Variants in TSPAN17 observed in about 807,000 individuals in gnomAD.
TSPAN17 encodes tetraspanin-17.
TSPAN17 carries 33 observed loss-of-function variants against 40.5 expected under a neutral mutation model. The ratio of observed to expected loss-of-function variants is 0.81; its 90% CI spans 0.62 to 1.09. The LOEUF (loss-of-function observed/expected upper bound fraction) is 1.09, where lower values mean the gene tolerates loss of function less well. Among genes scored for constraint, TSPAN17 ranks in the 50% least tolerant of loss-of-function variants. The pLI, the probability that TSPAN17 is intolerant of heterozygous loss-of-function variation, is 0.00. For missense variants in TSPAN17, 365 were observed against 416.8 expected, an observed-to-expected ratio of 0.88 and a Z score of 1.08; for synonymous variants, 166 against 169.4, an observed-to-expected ratio of 0.98 and a Z score of 0.15.
chr5:176,656,407 T>C (rs903579135), intron 6 of TSPAN17, among the ~76,000 whole-genome samples: 5 of 150,512 alleles, frequency 3.3e-5, no homozygotes, highest in African/African-American at 1.2e-4. Context: ...TCTGGAGGAG[T>C]GGAGGGAGAA....
chr5:176,656,680 T>C lies in TSPAN17; in HGVS notation c.631-20T>C. On this transcript the variant is annotated intron_variant, in intron 6 of 8. Coordinates refer to ENST00000508164, the MANE Select transcript of TSPAN17 (RefSeq NM_130465.5). ...GCCTGAAGGGCAGGTAGGCTGAGCC[T>C]GGTGCCTGCGTGTCCCCAGGAGCTG... 1 of 1,612,512 alleles carries C rather than the reference T, an allele frequency of 6.2e-7. No homozygotes were observed. Among genetic ancestry groups the C allele is most frequent in the Non-Finnish European group, 8.5e-7 (1 of 1,178,758 alleles).
chr5:176,656,845 C>T (rs1761174265), intron 7 of TSPAN17, 29 bp downstream of exon 7: 1 of 1,614,118 alleles, frequency 6.2e-7, no homozygotes, highest in Non-Finnish European at 8.5e-7. Flanking sequence ...GTGCCCCTCC[C>T]CTTGCCGGGG....
chr5:176,654,510 C>T lies in TSPAN17; in HGVS notation c.457-385C>T, dbSNP rs765754049. 1.4e-5 allele frequency: 3 copies of T among 217,460 alleles called. No homozygotes were observed. The highest frequency in any genetic ancestry group is 4.5e-4 in the Middle Eastern group (1 of 2,234). The allele number at this position is 217,460 out of a possible 1,614,324, so 13.5% of individuals were successfully genotyped here. A position where few individuals can be genotyped will look rare whatever the true frequency, so the allele number is the denominator to read the frequency against. Reference sequence around the variant, plus strand: ...TGAAGAGAGGAGGGCTTTGTAGAACCTCTGGGGCAAGTGTGGGAGGCCTGC... The same window carrying T: ...TGAAGAGAGGAGGGCTTTGTAGAACTTCTGGGGCAAGTGTGGGAGGCCTGC... On this transcript the variant is annotated intron_variant, in intron 4 of 8. Coordinates refer to ENST00000508164, the MANE Select transcript of TSPAN17 (RefSeq NM_130465.5). This position sits in a 1 kb window ranked among gnomAD's most constrained non-coding sequence, Gnocchi z 4.3.
chr5:176,647,777 G>T (rs552742790), intron 1 of TSPAN17, 75 bp downstream of exon 1: 3 of 1,373,612 alleles, frequency 2.2e-6, no homozygotes, highest in African/African-American at 3.0e-5. Flanking sequence ...TGCTGGGGGA[G>T]ACCACTCCCT....
chr5:176,651,949 CA>C lies in TSPAN17; in HGVS notation c.285+50del. 2 of 1,607,836 alleles carry C rather than the reference CA, an allele frequency of 1.2e-6. No homozygotes were observed. Among genetic ancestry groups the C allele is most frequent in the Non-Finnish European group, 8.5e-7 (1 of 1,177,422 alleles). On this transcript the variant is annotated intron_variant, in intron 3 of 8. Transcript: ENST00000508164. The surrounding 1 kb of genome is among the most constrained non-coding windows in gnomAD (Gnocchi z 4.5). ...CTGGGAACCCCCATCTCCTCCCATC[CA>C]GTTCTTGCAATACAGTTGGAGCTTA... is the stretch of plus-strand genomic sequence containing the variant.
chr5:176,648,691 C>T (rs1581191232), intron 1 of TSPAN17, among the ~76,000 whole-genome samples: 3 of 147,104 alleles, frequency 2.0e-5, no homozygotes, highest in East Asian at 1.9e-4. Context: ...CTGGCTGTAG[C>T]AGGCCTGGCT....
At position 176,656,851 on chromosome 5, in the gene TSPAN17, C is replaced by T. The variant is rs182442495; in HGVS notation, c.747+35C>T. Reference sequence around the variant, plus strand: ...TGGCCCCACGTGCCCCTCCCCTTGCCGGGGCCGCCCTCACTCTCCCCTCAC... The same window carrying T: ...TGGCCCCACGTGCCCCTCCCCTTGCTGGGGCCGCCCTCACTCTCCCCTCAC... On this transcript the variant is annotated intron_variant, in intron 7 of 8. Coordinates refer to ENST00000508164, the MANE Select transcript of TSPAN17 (RefSeq NM_130465.5). 8.5e-5 allele frequency: 138 copies of T among 1,614,114 alleles called. No individual in the cohort carries two copies. The East Asian group carries it at 2.1e-3, about 24-fold the overall frequency.
chr5:176,657,656 C>T lies in TSPAN17; in HGVS notation c.948C>T (p.Gly316=). ...PAPPSRHVFF[G]LGGLYPEPTF... ...CACCCAGCCGACATGTTTTCTTTGGCCTGGGTGGTTTATACCCTGAGCCAA... is the reference window on the plus strand; with the variant it reads ...CACCCAGCCGACATGTTTTCTTTGGTCTGGGTGGTTTATACCCTGAGCCAA... The change falls in exon 9 of 9, where the codon GGC becomes GGT. Residue 316 remains glycine (G), a synonymous_variant. Coordinates refer to ENST00000508164, the MANE Select transcript of TSPAN17 (RefSeq NM_130465.5). 6.2e-7 allele frequency: 1 copy of T among 1,607,886 alleles called. No homozygotes were observed. Among genetic ancestry groups the T allele is most frequent in the Non-Finnish European group, 8.5e-7 (1 of 1,178,328 alleles).
chr5:176,657,870 C>T lies in TSPAN17; in HGVS notation c.*172C>T. The T allele has an allele frequency of 8.2e-7, 1 of 1,221,270 alleles. No individual in the cohort carries two copies. The allele number at this position is 1,221,270 out of a possible 1,614,324, so 75.7% of individuals were successfully genotyped here. On this transcript the variant is annotated 3_prime_UTR_variant, in exon 9 of 9. Transcript: ENST00000508164. ...CTGACCCTTGTACACTAGGAGCTGG[C>T]CTCCCACCTCTGCAGGGTTATTCCC... is the stretch of plus-strand genomic sequence containing the variant.
At position 176,651,426 on chromosome 5, in the gene TSPAN17, C is replaced by T. The variant is rs1317222033; in HGVS notation, c.88-190C>T. Among the ~76,000 whole-genome samples the T allele has an allele frequency of 1.3e-5, 2 of 152,198 alleles. No homozygotes were observed. The highest frequency in any genetic ancestry group is 1.9e-4 in the East Asian group (1 of 5,192). On this transcript the variant is annotated intron_variant, in intron 1 of 8. Transcript: ENST00000508164. This position sits in a 1 kb window ranked among gnomAD's most constrained non-coding sequence, Gnocchi z 4.5. ...AAGGCTAGCAGAGGGTTCAGTCCTC[C>T]AGGCTGTGTCCTGTGGGGAAGAAGC...
intron 8 of TSPAN17, 160 bp from the exon 9 acceptor site, chr5:176,657,358 A>G: frequency 7.8e-7 from 1 of 1,287,332 alleles, no homozygotes; most frequent in South Asian, 1.5e-5. Flanking sequence ...TTCTGTGCGT[A>G]GCTGTATGGG....
chr5:176,652,800 T>C lies in TSPAN17; in HGVS notation c.343T>C (p.Phe115Leu), dbSNP rs1185789558. The C allele has an allele frequency of 6.2e-7, 1 of 1,614,168 alleles. No homozygotes were observed. The highest frequency in any genetic ancestry group is 1.1e-5 in the South Asian group (1 of 91,088). Reference sequence around the variant, plus strand: ...GGAGCTGGCAACAGGGATCCTGGCCTTTGTCTTCAAGGACTGGATTCGAGA... The same window carrying C: ...GGAGCTGGCAACAGGGATCCTGGCCCTTGTCTTCAAGGACTGGATTCGAGA... ...FLELATGILA[F>L]VFKDWIRDQL... is the part of the protein sequence containing the mutation. The change falls in exon 4 of 9, where the codon TTT becomes CTT. Residue 115 changes from phenylalanine to leucine, a missense_variant. By Grantham distance (22) the Phe-to-Leu change is conservative. Coordinates refer to ENST00000508164, the MANE Select transcript of TSPAN17 (RefSeq NM_130465.5).
intron 1 of TSPAN17, 106 bp downstream of exon 1, chr5:176,647,808 G>T: frequency 8.9e-7 from 1 of 1,128,410 alleles, no homozygotes; most frequent in Non-Finnish European, 1.2e-6. Context: ...TTTGGAGCTC[G>T]GGACCATCCC....
At position 176,656,146 on chromosome 5, in the gene TSPAN17, G is replaced by A. The variant is rs770943789; in HGVS notation, c.630+21G>A. 6 of 1,613,780 alleles carry A rather than the reference G, an allele frequency of 3.7e-6. No individual in the cohort carries two copies. The African/African-American group carries it at 8.0e-5, about 22-fold the overall frequency. ...AACTGGTGAGAGGGGTAGGAACCGG[G>A]CTGGGGCAGGCAGGCAGGGGTACTG... On this transcript the variant is annotated intron_variant, in intron 6 of 8. Transcript: ENST00000508164.
At chr5:176,656,169 C>T (rs763470661) in intron 6 of TSPAN17, 44 bp downstream of exon 6, 1 of 1,606,748 alleles carries the variant, frequency 6.2e-7, no homozygotes, top group Non-Finnish European at 8.5e-7. Flanking sequence ...GGCAGGGGTA[C>T]TGGGTTGGGT....
In TSPAN17 at chr5:176,650,851, G is replaced by T. The variant is rs1581193355; in HGVS notation, c.88-765G>T. 6.6e-6 allele frequency among the ~76,000 whole-genome samples: 1 copy of T among 152,206 alleles called. No individual in the cohort carries two copies. Among genetic ancestry groups the T allele is most frequent in the Non-Finnish European group, 1.5e-5 (1 of 68,026 alleles). ...CGCCCAGGGACCTGCCCAGGGTCAG[G>T]TGTGAGAGTGACCAGCCTGGACATC... On this transcript the variant is annotated intron_variant, in intron 1 of 8. Coordinates refer to ENST00000508164, the MANE Select transcript of TSPAN17 (RefSeq NM_130465.5). This position sits in a 1 kb window ranked among gnomAD's most constrained non-coding sequence, Gnocchi z 4.0.
chr5:176,651,015 A>T lies in TSPAN17; in HGVS notation c.88-601A>T, dbSNP rs1166001667. ...AGAGCTGTGGCCATGGGGCAAAGCC[A>T]CTGGCACAGGCCAGATCCTAGGTGG... On this transcript the variant is annotated intron_variant, in intron 1 of 8. Coordinates refer to ENST00000508164, the MANE Select transcript of TSPAN17 (RefSeq NM_130465.5). This position sits in a 1 kb window ranked among gnomAD's most constrained non-coding sequence, Gnocchi z 4.5. 3.3e-5 allele frequency among the ~76,000 whole-genome samples: 5 copies of T among 152,370 alleles called. No homozygotes were observed. In the East Asian group the frequency reaches 9.6e-4, roughly 29 times the overall value.
rs1761208332 is a variant in TSPAN17, at chr5:176,657,594, C to G, written c.886C>G (p.Gln296Glu). The stretch of plus-strand genomic sequence containing the variant: ...CGAGGTCCTGTCCACGGCGGGGCCT[C>G]AGCAGAACTCTCTGACTGGGGCCCC... ...ISEVLSTAGP[Q>E]QNSLTGAPGP... Residue 296 changes from glutamine to glutamate, a missense_variant, in exon 9 of 9, where the codon CAG becomes GAG. Physicochemically the swap from Gln to Glu is conservative, Grantham distance 29. Transcript: ENST00000508164. 1 of 1,613,660 alleles carries G rather than the reference C, an allele frequency of 6.2e-7. No homozygotes were observed. The highest frequency in any genetic ancestry group is 1.3e-5 in the African/African-American group (1 of 74,940).
chr5:176,657,923 CTG>C lies in TSPAN17; in HGVS notation c.*226_*227del. 1 of 708,848 alleles carries C rather than the reference CTG, an allele frequency of 1.4e-6. No individual in the cohort carries two copies. Among genetic ancestry groups the C allele is most frequent in the Non-Finnish European group, 2.1e-6 (1 of 481,042 alleles). 43.9% of individuals were successfully genotyped at this position (708,848 alleles called of 1,614,324 possible). On this transcript the variant is annotated 3_prime_UTR_variant, in exon 9 of 9. Transcript: ENST00000508164. ...CACCTCGAGGCCGCTGCGGGCCAAT[CTG>C]GAGTGAAACACGGGGACCTGAAGGA...
Sources: allele counts gnomAD v4.1 joint callset (sites outside exome capture counted in the v4.1 genomes callset), GRCh38; gene constraint gnomAD v4.1.1; non-coding constraint Gnocchi (gnomAD v3.1); transcripts MANE v1.5; gene names NCBI Gene and HGNC (gene_info 2026-07-23, HGNC 2026-07-21).